Variants in PFKFB3 observed in about 807,000 individuals in gnomAD.
The protein encoded by PFKFB3 is 6-phosphofructo-2-kinase/fructose-2,6-biphosphatase 3.
PFKFB3 carries 33 observed loss-of-function variants against 68.0 expected under a neutral mutation model. That is an observed-to-expected ratio of 0.49 (90% CI 0.37 to 0.65). PFKFB3 has a LOEUF of 0.65. PFKFB3 is among the 30% of genes least tolerant of loss of function. The pLI is 0.00. For synonymous variants in PFKFB3, 315 were observed against 288.2 expected (o/e 1.09, Z -0.94); for missense variants, 586 against 712.2 (o/e 0.82, Z 2.02).
At chr10:6,175,410 G>T (rs1482642994) in intron 1 of PFKFB3, among the ~76,000 whole-genome samples, 5 of 152,202 alleles carry the variant, frequency 3.3e-5, no homozygotes, top group African/African-American at 1.2e-4. Context: ...TGGATTGCGT[G>T]TTTGTAGGTG....
At chr10:6,212,139 TGAG>T (rs1315666455) in intron 1 of PFKFB3, among the ~76,000 whole-genome samples, 1 of 152,222 alleles carries the variant, frequency 6.6e-6, no homozygotes, top group East Asian at 1.9e-4. Flanking sequence ...CTGGGAATGA[TGAG>T]GACAGCCAGG....
chr10:6,173,083 C>T (rs146255843), intron 1 of PFKFB3, among the ~76,000 whole-genome samples: 4 of 152,328 alleles, frequency 2.6e-5, no homozygotes, highest in East Asian at 3.9e-4. Context: ...CGTCCACTCT[C>T]TCTCAGTTCT....
intron 1 of PFKFB3, among the ~76,000 whole-genome samples, chr10:6,153,282 G>A (rs1841656184): frequency 6.6e-6 from 1 of 152,242 alleles, no homozygotes; most frequent in Admixed American, 6.5e-5. Context: ...CCTCATTTAT[G>A]ATGCAACTGA....
At chr10:6,270,459 C>T in the PFKFB3 span, among the ~76,000 whole-genome samples, 4 of 152,212 alleles carry the variant, frequency 2.6e-5, no homozygotes, top group Non-Finnish European at 4.4e-5. Flanking sequence ...TAATGACACA[C>T]GTCCTAACCA....
chr10:6,278,992 G>A, the PFKFB3 span, among the ~76,000 whole-genome samples: 2 of 152,226 alleles, frequency 1.3e-5, no homozygotes, highest in East Asian at 1.9e-4. Flanking sequence ...GGGCTGCGGC[G>A]AGAATTCACT....
At chr10:6,239,434 T>A (rs7894118), downstream of PFKFB3, among the ~76,000 whole-genome samples, 3 of 152,052 alleles carry the variant, frequency 2.0e-5, no homozygotes, top group South Asian at 4.1e-4. Flanking sequence ...AGTCAGCAGA[T>A]CACAGGAAAG....
At chr10:6,276,200 G>A in the PFKFB3 span, among the ~76,000 whole-genome samples, 1 of 152,116 alleles carries the variant, frequency 6.6e-6, no homozygotes, top group African/African-American at 2.4e-5. Context: ...TTTGAATCAG[G>A]TTCATGGGTG....
chr10:6,252,535 C>T (rs1231206477), intron 14 of PFKFB3, among the ~76,000 whole-genome samples: 1 of 152,062 alleles, frequency 6.6e-6, no homozygotes, highest in Non-Finnish European at 1.5e-5. Flanking sequence ...GATTGAAATA[C>T]CTTATTTACA....
downstream of PFKFB3, among the ~76,000 whole-genome samples, chr10:6,257,904 G>A (rs370106832): frequency 5.9e-5 from 9 of 152,240 alleles, no homozygotes; most frequent in East Asian, 1.2e-3. Context: ...CCAGGTGTTG[G>A]TAATCCTTCA....
At chr10:6,206,473 C>G (rs891429531) in intron 1 of PFKFB3, among the ~76,000 whole-genome samples, 3 of 116,610 alleles carry the variant, frequency 2.6e-5, no homozygotes, top group African/African-American at 1.1e-4. Context: ...TTGGGTACAC[C>G]TCCCAGACGG....
intron 1 of PFKFB3, among the ~76,000 whole-genome samples, chr10:6,197,403 C>T (rs545833257): frequency 6.6e-6 from 1 of 152,316 alleles, no homozygotes; most frequent in Non-Finnish European, 1.5e-5. Flanking sequence ...TACCATGTAA[C>T]CTAGATGTGT....
intron 1 of PFKFB3, among the ~76,000 whole-genome samples, chr10:6,173,742 G>A (rs1423410270): frequency 6.6e-6 from 1 of 151,838 alleles, no homozygotes; most frequent in African/African-American, 2.4e-5. Flanking sequence ...AGAGAGGGAG[G>A]GGAAAGGTTG....
At chr10:6,232,623 C>T (rs1023676166) in intron 14 of PFKFB3, among the ~76,000 whole-genome samples, 2 of 152,014 alleles carry the variant, frequency 1.3e-5, no homozygotes, top group Non-Finnish European at 2.9e-5. Flanking sequence ...GCTCACGGTC[C>T]TCCAGGAGCC....
intron 1 of PFKFB3, among the ~76,000 whole-genome samples, chr10:6,204,579 G>T (rs1049912332): frequency 6.6e-6 from 1 of 152,238 alleles, no homozygotes; most frequent in African/African-American, 2.4e-5. Context: ...TGGACTTCAG[G>T]GTTCTGGGGT....
At chr10:6,305,005 A>ATTTTTTTTTTTTTTTTTTTTTTTTT in the PFKFB3 span, among the ~76,000 whole-genome samples, 1 of 14,514 alleles carries the variant, frequency 6.9e-5, no homozygotes, top group African/African-American at 1.8e-4. Context: ...AATATTAGGA[A>ATTTTTTTTTTTTTTTTTTTTTTTTT]TTTTTTTTTT....
chr10:6,175,662 C>G (rs773833879), intron 1 of PFKFB3, among the ~76,000 whole-genome samples: 1 of 152,162 alleles, frequency 6.6e-6, no homozygotes, highest in Non-Finnish European at 1.5e-5. Flanking sequence ...AAATCCAAAC[C>G]AAGTAAGCCA....
intron 1 of PFKFB3, among the ~76,000 whole-genome samples, chr10:6,188,116 G>A (rs144059245): frequency 4.6e-5 from 7 of 151,760 alleles, no homozygotes; most frequent in African/African-American, 7.3e-5. Flanking sequence ...AATATATGTC[G>A]TGCCCAGCCC....
chr10:6,188,677 G>T (rs763289619), intron 1 of PFKFB3, among the ~76,000 whole-genome samples: 1 of 151,600 alleles, frequency 6.6e-6, no homozygotes, highest in Non-Finnish European at 1.5e-5. Context: ...GACGTCCCCC[G>T]TTCTGCTTTC....
chr10:6,213,533 A>G lies in PFKFB3; in HGVS notation c.77-90A>G, dbSNP rs1844367805. ...CCCTGTCTCAAAAACATTTTTGGTG[A>G]AATTCTTCAGTGTTATTGTTGGGTG... On this transcript the variant is annotated intron_variant, in intron 1 of 14. Coordinates refer to ENST00000379775, the MANE Select transcript of PFKFB3 (RefSeq NM_004566.4). 4 of 1,449,816 alleles carry G rather than the reference A, an allele frequency of 2.8e-6. 1 individual carries two copies. In the South Asian group the frequency reaches 5.4e-5, roughly 20 times the overall value. 89.8% of individuals were successfully genotyped at this position (1,449,816 alleles called of 1,614,324 possible).
Sources: allele counts gnomAD v4.1 joint callset (sites outside exome capture counted in the v4.1 genomes callset), GRCh38; gene constraint gnomAD v4.1.1; transcripts MANE v1.5; gene names NCBI Gene and HGNC (gene_info 2026-07-23, HGNC 2026-07-21).